The following LPP variants were observed in gnomAD, a reference collection of about 807,000 sequenced individuals.
LPP encodes lipoma-preferred partner.
Under a neutral mutation model 60.4 loss-of-function variants are expected in LPP, and 38 were observed. That is an observed-to-expected ratio of 0.63 (90% CI 0.49 to 0.83). The LOEUF (loss-of-function observed/expected upper bound fraction) is 0.83. Ranked by LOEUF, LPP falls within the 40% of genes least tolerant of loss-of-function variation. LPP has a pLI of 0.00. For missense variants in LPP, 902 were observed against 783.6 expected (o/e 1.15, Z -1.80); for synonymous variants, 328 against 290.8 (o/e 1.13, Z -1.30).
chr3:188,585,289 T>C (rs1205301678), intron 6 of LPP, among the ~76,000 whole-genome samples: 1 of 152,222 alleles, frequency 6.6e-6, no homozygotes, highest in African/African-American at 2.4e-5. Context: ...GTTGTTAAAA[T>C]GCACTGTCTT....
chr3:188,754,895 G>C (rs2150382405), intron 8 of LPP, among the ~76,000 whole-genome samples: 1 of 152,220 alleles, frequency 6.6e-6, no homozygotes, highest in East Asian at 1.9e-4. Context: ...ATCTTTTTGG[G>C]CCTTCAGTGG....
At chr3:188,482,414 C>T (rs964804484) in intron 4 of LPP, among the ~76,000 whole-genome samples, 1 of 152,128 alleles carries the variant, frequency 6.6e-6, no homozygotes, top group Non-Finnish European at 1.5e-5. Flanking sequence ...ATACATATGA[C>T]CTTTAAAGGC....
chr3:188,562,197 T>G (rs1020483658), intron 6 of LPP: 1 of 152,012 alleles, frequency 6.6e-6, no homozygotes, highest in Non-Finnish European at 1.5e-5. Context: ...TAAGTAGATC[T>G]GAACATTTGA....
chr3:188,605,077 A>G (rs1453586208), intron 6 of LPP, among the ~76,000 whole-genome samples: 1 of 152,194 alleles, frequency 6.6e-6, no homozygotes, highest in East Asian at 1.9e-4. Flanking sequence ...ATTTGCATCC[A>G]TCATTCCCCT....
chr3:188,461,915 A>G (rs1406180879), intron 4 of LPP, among the ~76,000 whole-genome samples: 5 of 152,102 alleles, frequency 3.3e-5, no homozygotes, highest in Non-Finnish European at 7.4e-5. Flanking sequence ...ATTTCTCACA[A>G]TATTTCAAAT....
intron 7 of LPP, among the ~76,000 whole-genome samples, chr3:188,697,789 T>A (rs150951431): frequency 5.3e-5 from 8 of 152,346 alleles, no homozygotes; most frequent in African/African-American, 1.9e-4. Flanking sequence ...AGTAGCTGTT[T>A]GATAATACTT....
rs796273072 is a variant in LPP at position 188,882,955 on chromosome 3, C to G, written c.*8476C>G. ...CGGGGTTTCACCGTGGTCTCGATCT[C>G]CTGACCTCGTGATCCGCCCGCCTCG... On this transcript the variant is annotated 3_prime_UTR_variant, in exon 12 of 12. Transcript: ENST00000617246. 6.4e-4 allele frequency: 119 copies of G among 185,792 alleles called. 1 individual carries two copies. The highest frequency in any genetic ancestry group is 2.7e-3 in the African/African-American group (114 of 42,704). The allele number at this position is 185,792 out of a possible 1,614,324, so 11.5% of individuals were successfully genotyped here. A position where few individuals can be genotyped will look rare whatever the true frequency, so the allele number is the denominator to read the frequency against.
At chr3:188,405,877 TTCTC>T (rs373369041) in intron 3 of LPP, among the ~76,000 whole-genome samples, 4,097 of 46,080 alleles carry the variant, frequency 0.089, 181 homozygotes, top group African/African-American at 0.14. Context: ...CTCCTCCTCT[TTCTC>T]TTTCTTTCTT....
At chr3:188,627,636 A>G (rs1847098567) in intron 7 of LPP, among the ~76,000 whole-genome samples, 1 of 152,146 alleles carries the variant, frequency 6.6e-6, no homozygotes, top group Non-Finnish European at 1.5e-5. Context: ...GAGCACCCAG[A>G]TTTATAAAAC....
At chr3:188,794,250 C>A (rs553806211) in intron 9 of LPP, among the ~76,000 whole-genome samples, 51 of 152,332 alleles carry the variant, frequency 3.3e-4, no homozygotes, top group African/African-American at 1.1e-3. Flanking sequence ...ACAATAAAAT[C>A]AGAATCTCTA....
chr3:188,461,636 T>C (rs1010381545), intron 4 of LPP, among the ~76,000 whole-genome samples: 12 of 152,194 alleles, frequency 7.9e-5, no homozygotes, highest in Non-Finnish European at 1.5e-5. Context: ...TTTTGTATCA[T>C]ATGTAAAAGG....
chr3:188,613,264 A>G (rs1407290349), intron 7 of LPP, among the ~76,000 whole-genome samples: 5 of 125,546 alleles, frequency 4.0e-5, no homozygotes, highest in African/African-American at 1.7e-4. Flanking sequence ...ATCTATACCT[A>G]TATCTATATC....
intron 3 of LPP, among the ~76,000 whole-genome samples, chr3:188,363,558 T>A (rs991605600): frequency 6.6e-6 from 1 of 152,142 alleles, no homozygotes; most frequent in African/African-American, 2.4e-5. Flanking sequence ...GTGTATGGGC[T>A]CTTTACGTCT....
intron 5 of LPP, among the ~76,000 whole-genome samples, chr3:188,495,086 T>TTTTA (rs1273560340): frequency 8.9e-5 from 2 of 22,532 alleles, no homozygotes; most frequent in African/African-American, 1.4e-4. Flanking sequence ...ATATATATTT[T>TTTTA]ATTTATATTT....
chr3:188,538,826 A>G (rs1002825513), intron 6 of LPP, among the ~76,000 whole-genome samples: 1 of 152,214 alleles, frequency 6.6e-6, no homozygotes, highest in Non-Finnish European at 1.5e-5. Flanking sequence ...GTGTATCCAT[A>G]CAATTGAATA....
At chr3:188,758,097 A>G (rs1334371815) in intron 8 of LPP, among the ~76,000 whole-genome samples, 1 of 152,172 alleles carries the variant, frequency 6.6e-6, no homozygotes, top group African/African-American at 2.4e-5. Flanking sequence ...TCAAGACTTT[A>G]TAATGATATC....
chr3:188,179,352 C>T (rs1222381355), intron 1 of LPP: 1 of 458,142 alleles, frequency 2.2e-6, no homozygotes. Context: ...TCCTCCTAGG[C>T]CCCCGCCTTC....
At chr3:188,232,520 T>G (rs796818899) in intron 2 of LPP, among the ~76,000 whole-genome samples, 1 of 146,788 alleles carries the variant, frequency 6.8e-6, no homozygotes, top group African/African-American at 2.5e-5. Context: ...TTTTTTTTTT[T>G]TTTTTTTGTA....
chr3:188,214,044 G>GACCTATTAC (rs1178148595), intron 1 of LPP, among the ~76,000 whole-genome samples: 1 of 147,336 alleles, frequency 6.8e-6, no homozygotes, highest in Non-Finnish European at 1.5e-5. Flanking sequence ...AGAAGACACC[G>GACCTATTAC]ACCTATTACG....
Sources: allele counts gnomAD v4.1 joint callset (sites outside exome capture counted in the v4.1 genomes callset), GRCh38; gene constraint gnomAD v4.1.1; transcripts MANE v1.5; gene names NCBI Gene and HGNC (gene_info 2026-07-23, HGNC 2026-07-21).